The following GNG7 variants were observed in gnomAD, a reference collection of about 807,000 sequenced individuals.
GNG7 encodes guanine nucleotide-binding protein G(I)/G(S)/G(O) subunit gamma-7.
A neutral mutation model predicts 4.0 loss-of-function variants in GNG7; 1 was observed. The observed-to-expected ratio is 0.25, with a 90% confidence interval of 0.09 to 1.18. The LOEUF (loss-of-function observed/expected upper bound fraction) is 1.18, where lower values mean the gene tolerates loss of function less well. Ranked by LOEUF, GNG7 falls within the 50% of genes most tolerant of loss-of-function variation. The probability of loss-of-function intolerance (pLI) is 0.50; values close to 1 mark genes in which losing one functional copy is unlikely to be tolerated. For missense variants in GNG7, 86 were observed against 91.9 expected, an observed-to-expected ratio of 0.94 and a Z score of 0.26; for synonymous variants, 34 against 36.9, an observed-to-expected ratio of 0.92 and a Z score of 0.29.
At chr19:2,593,041 A>AGAAG (rs1270843844) in intron 2 of GNG7, among the ~76,000 whole-genome samples, 4 of 147,794 alleles carry the variant, frequency 2.7e-5, no homozygotes, top group East Asian at 4.0e-4. Flanking sequence ...AAGGAAGGAA[A>AGAAG]GAAGGAAGGA....
intron 2 of GNG7, among the ~76,000 whole-genome samples, chr19:2,600,968 G>A (rs1273180888): frequency 1.3e-5 from 2 of 152,030 alleles, no homozygotes; most frequent in South Asian, 4.1e-4. Flanking sequence ...GGCTGAAGGA[G>A]AATAAAAAAG....
intron 1 of GNG7, among the ~76,000 whole-genome samples, chr19:2,690,596 T>TC (rs1913115007): frequency 1.3e-5 from 2 of 149,464 alleles, no homozygotes. Flanking sequence ...GCTCAGGTCT[T>TC]TTTTTTTTTC....
intron 1 of GNG7, among the ~76,000 whole-genome samples, chr19:2,680,322 G>A (rs1222831281): frequency 6.6e-6 from 1 of 151,610 alleles, no homozygotes; most frequent in Non-Finnish European, 1.5e-5. Flanking sequence ...GCCAATTTTA[G>A]TATTTTTAGT....
intron 1 of GNG7, among the ~76,000 whole-genome samples, chr19:2,677,511 A>G (rs1255107881): frequency 1.3e-5 from 2 of 151,752 alleles, no homozygotes; most frequent in Non-Finnish European, 2.9e-5. Context: ...TTGGAAAAAT[A>G]TTGTATCTGC....
At chr19:2,537,326 G>A (rs1978775013) in intron 3 of GNG7, among the ~76,000 whole-genome samples, 1 of 151,700 alleles carries the variant, frequency 6.6e-6, no homozygotes, top group Non-Finnish European at 1.5e-5. Context: ...GCTCACTGCA[G>A]CCTCCAACTC....
At chr19:2,560,393 C>T (rs1003715650) in intron 2 of GNG7, among the ~76,000 whole-genome samples, 1 of 152,084 alleles carries the variant, frequency 6.6e-6, no homozygotes, top group African/African-American at 2.4e-5. Flanking sequence ...AGAGGAGGTC[C>T]GACCTGCTTT....
intron 1 of GNG7, among the ~76,000 whole-genome samples, chr19:2,671,884 T>G (rs1463089471): frequency 6.6e-6 from 1 of 151,770 alleles, no homozygotes; most frequent in Non-Finnish European, 1.5e-5. Flanking sequence ...ACCTCGTCTC[T>G]ACTAAAAATA....
intron 3 of GNG7, among the ~76,000 whole-genome samples, chr19:2,553,387 T>C (rs960008236): frequency 2.9e-5 from 4 of 137,582 alleles, no homozygotes; most frequent in African/African-American, 1.1e-4. Context: ...GCTGAGCATA[T>C]ATATATATAC....
chr19:2,678,226 C>T (rs987549243), intron 1 of GNG7, among the ~76,000 whole-genome samples: 5 of 152,198 alleles, frequency 3.3e-5, no homozygotes, highest in African/African-American at 1.2e-4. Context: ...ACTGTGGTCA[C>T]TTCCATCTCA....
intron 1 of GNG7, among the ~76,000 whole-genome samples, chr19:2,671,418 G>A (rs1006488018): frequency 6.6e-6 from 1 of 152,108 alleles, no homozygotes; most frequent in Non-Finnish European, 1.5e-5. Flanking sequence ...GCTGACGAAC[G>A]AGGTGAATGA....
chr19:2,604,936 A>G (rs997073275), intron 2 of GNG7, among the ~76,000 whole-genome samples: 1 of 152,220 alleles, frequency 6.6e-6, no homozygotes, highest in Non-Finnish European at 1.5e-5. Context: ...TTTGGCTGTC[A>G]GTATGAGTGG....
intron 2 of GNG7, among the ~76,000 whole-genome samples, chr19:2,593,405 T>C (rs1980910471): frequency 6.6e-6 from 1 of 152,150 alleles, no homozygotes; most frequent in Non-Finnish European, 1.5e-5. Flanking sequence ...AAATATTCGT[T>C]CTATATATTT....
At chr19:2,630,497 G>C (rs8112136) in intron 2 of GNG7, among the ~76,000 whole-genome samples, 8,869 of 152,116 alleles carry the variant, frequency 0.058, 859 homozygotes, top group African/African-American at 0.2. Flanking sequence ...CCTGAAATGA[G>C]AGCCTGGAAG....
At position 2,626,908 on chromosome 19, in the gene GNG7, C is replaced by A. The variant is rs1364605626; in HGVS notation, c.-78+19316G>T. On this transcript the variant is annotated intron_variant, in intron 2 of 4. Transcript: ENST00000382159. This position sits in a 1 kb window ranked among gnomAD's most constrained non-coding sequence, Gnocchi z 5.0. ...CCAGAGAACAGTCCAGTGTCAGTGT[C>A]CACAGTGCCCAGGGGGAGAGACCTG... is the stretch of plus-strand genomic sequence containing the variant. 6.6e-6 allele frequency among the ~76,000 whole-genome samples: 1 copy of A among 150,892 alleles called. No homozygotes were observed. The highest frequency in any genetic ancestry group is 2.4e-5 in the African/African-American group (1 of 40,992).
At chr19:2,580,286 A>ATT (rs5826774) in intron 2 of GNG7, among the ~76,000 whole-genome samples, 104 of 133,540 alleles carry the variant, frequency 7.8e-4, no homozygotes, top group Middle Eastern at 4.3e-3. Context: ...GTCTGGTTCT[A>ATT]TTTTTTTTTT....
At chr19:2,663,396 CTT>C (rs946952896) in intron 1 of GNG7, among the ~76,000 whole-genome samples, 3 of 150,930 alleles carry the variant, frequency 2.0e-5, no homozygotes, top group African/African-American at 7.3e-5. Context: ...TATATGTGCT[CTT>C]TTGCCCTTCC....
chr19:2,551,589 G>GTATTTATAAATATATTAA (rs1421883737), intron 3 of GNG7, among the ~76,000 whole-genome samples: 2 of 145,756 alleles, frequency 1.4e-5, no homozygotes, highest in African/African-American at 2.5e-5. Context: ...ATATAAATAT[G>GTATTTATAAATATATTAA]CATTTATAAA....
chr19:2,563,014 G>A (rs1018389763), intron 2 of GNG7, among the ~76,000 whole-genome samples: 10 of 151,752 alleles, frequency 6.6e-5, no homozygotes, highest in Non-Finnish European at 1.0e-4. Flanking sequence ...GCGTGATCTC[G>A]GCTCACTGCA....
At chr19:2,573,223 A>G (rs1450546480) in intron 2 of GNG7, among the ~76,000 whole-genome samples, 1 of 150,434 alleles carries the variant, frequency 6.6e-6, no homozygotes, top group Admixed American at 6.6e-5. Flanking sequence ...GGGTTTCACC[A>G]TGCTGCCCAG....
Sources: gnomAD v4.1 joint callset for allele counts (sites outside exome capture counted in the v4.1 genomes callset) on GRCh38, gnomAD v4.1.1 for gene constraint, Gnocchi (gnomAD v3.1) non-coding constraint, MANE v1.5 for transcripts, NCBI Gene and HGNC (gene_info 2026-07-23, HGNC 2026-07-21) for gene names.